The following TDRD3 variants were observed in gnomAD, a reference collection of about 807,000 sequenced individuals.
TDRD3 encodes the protein tudor domain-containing protein 3.
In TDRD3, 45 loss-of-function variants were observed where a neutral mutation model predicts 86.7. That is an observed-to-expected ratio of 0.52 (90% CI 0.41 to 0.67). The LOEUF (loss-of-function observed/expected upper bound fraction) is 0.67, where lower values mean the gene tolerates loss of function less well. Among genes scored for constraint, TDRD3 ranks in the 30% least tolerant of loss-of-function variants. The pLI is 0.00. For missense variants in TDRD3, 814 were observed against 889.0 expected (o/e 0.92, Z 1.07); for synonymous variants, 298 against 301.7 (o/e 0.99, Z 0.13).
In TDRD3 at chr13:60,489,734, T is replaced by TA. The variant is rs964302463; in HGVS notation, c.717+3793dup. Among the ~76,000 whole-genome samples, 15 of 152,188 alleles carry TA rather than the reference T, an allele frequency of 9.9e-5. No individual in the cohort carries two copies. The South Asian group carries it at 2.7e-3, about 27-fold the overall frequency. On this transcript the variant is annotated intron_variant, in intron 7 of 13. Coordinates refer to ENST00000377881, the MANE Select transcript of TDRD3 (RefSeq NM_001146070.2). Reference sequence around the variant, plus strand: ...CTTTTTCCTCTACAAGGCATACTTTTAAAAAAACAGTTTTACCATTTCTTA... The same window carrying TA: ...CTTTTTCCTCTACAAGGCATACTTTTAAAAAAAACAGTTTTACCATTTCTTA...
chr13:60,445,963 A>T (rs1397729773), intron 3 of TDRD3, among the ~76,000 whole-genome samples: 1 of 152,124 alleles, frequency 6.6e-6, no homozygotes, highest in East Asian at 1.9e-4. Flanking sequence ...TTTTACTTTT[A>T]AAAGTTTTGC....
intron 8 of TDRD3, among the ~76,000 whole-genome samples, chr13:60,505,050 T>C (rs1461659572): frequency 6.6e-6 from 1 of 152,144 alleles, no homozygotes; most frequent in East Asian, 1.9e-4. Flanking sequence ...GGAGTTATTT[T>C]TTCATACCCC....
chr13:60,484,686 TACTGAG>T, intron 6 of TDRD3: 2 of 448,274 alleles, frequency 4.5e-6, no homozygotes, highest in Non-Finnish European at 4.5e-6. Context: ...TTTTTTTTTT[TACTGAG>T]TTTGGAAGAA....
chr13:60,564,795 A>T (rs1214540035), intron 12 of TDRD3, among the ~76,000 whole-genome samples: 1 of 152,230 alleles, frequency 6.6e-6, no homozygotes, highest in Non-Finnish European at 1.5e-5. Flanking sequence ...TAGAAGAGGA[A>T]TAAAGTATAA....
intron 3 of TDRD3, among the ~76,000 whole-genome samples, chr13:60,446,309 A>T (rs1449445561): frequency 3.9e-5 from 6 of 152,026 alleles, no homozygotes. Context: ...TGCAACCTCC[A>T]CCACCTGGGT....
At position 60,567,131 on chromosome 13, in the gene TDRD3, A is replaced by C. The variant is rs1185183140; in HGVS notation, c.2119-394A>C. ...TTTTCCATGATAAATACCTAGAAAC[A>C]TTTAGAAGCCCAAATATTCAAGAAA... On this transcript the variant is annotated intron_variant, in intron 12 of 13. Coordinates refer to ENST00000377881, the MANE Select transcript of TDRD3 (RefSeq NM_001146070.2). Among the ~76,000 whole-genome samples, 5 of 152,212 alleles carry C rather than the reference A, an allele frequency of 3.3e-5. No homozygotes were observed. The South Asian group carries it at 1.0e-3, about 32-fold the overall frequency.
intron 12 of TDRD3, among the ~76,000 whole-genome samples, chr13:60,553,553 T>TA (rs201762964): frequency 2.4e-3 from 305 of 124,848 alleles, no homozygotes; most frequent in South Asian, 3.0e-3. Flanking sequence ...TTTTTTTAAA[T>TA]AAAAAAAAAA....
At chr13:60,490,758 G>A (rs1956568751) in intron 7 of TDRD3, among the ~76,000 whole-genome samples, 1 of 152,066 alleles carries the variant, frequency 6.6e-6, no homozygotes, top group South Asian at 2.1e-4. Context: ...GTCAGATTCT[G>A]GAATTTTGAA....
At chr13:60,419,038 T>A (rs1954592287) in intron 1 of TDRD3, among the ~76,000 whole-genome samples, 1 of 152,226 alleles carries the variant, frequency 6.6e-6, no homozygotes, top group Admixed American at 6.5e-5. Context: ...TTTGTGGACA[T>A]ATGTTTTCAT....
intron 1 of TDRD3, among the ~76,000 whole-genome samples, chr13:60,435,106 C>G (rs1248851074): frequency 6.6e-6 from 1 of 152,110 alleles, no homozygotes; most frequent in Non-Finnish European, 1.5e-5. Flanking sequence ...AATTTAGGCT[C>G]AGTCCTTCTG....
chr13:60,546,008 T>G (rs1483776796), intron 12 of TDRD3, among the ~76,000 whole-genome samples: 1 of 152,118 alleles, frequency 6.6e-6, no homozygotes, highest in Non-Finnish European at 1.5e-5. Flanking sequence ...TTATATAGGT[T>G]GCATATTTTC....
chr13:60,490,795 AT>A (rs1048417595), intron 7 of TDRD3, among the ~76,000 whole-genome samples: 6 of 152,100 alleles, frequency 3.9e-5, no homozygotes, highest in Admixed American at 6.6e-5. Context: ...CTGAGATTGG[AT>A]ATAGGGTACA....
chr13:60,483,549 A>G (rs1956362595), intron 5 of TDRD3, among the ~76,000 whole-genome samples: 1 of 152,146 alleles, frequency 6.6e-6, no homozygotes. Context: ...TGAAAGCTTT[A>G]TGTGAATATG....
chr13:60,407,278 A>G (rs1246768049), intron 1 of TDRD3, among the ~76,000 whole-genome samples: 7 of 152,186 alleles, frequency 4.6e-5, no homozygotes, highest in Admixed American at 3.9e-4. Context: ...TGCACAGTAG[A>G]CACTTAAATA....
At chr13:60,402,373 T>G (rs1412888856) in intron 1 of TDRD3, among the ~76,000 whole-genome samples, 1 of 152,216 alleles carries the variant, frequency 6.6e-6, no homozygotes, top group Non-Finnish European at 1.5e-5. Flanking sequence ...CTAGTGGTAA[T>G]AGACATAAAA....
At chr13:60,471,236 G>C (rs1956071378) in intron 5 of TDRD3, among the ~76,000 whole-genome samples, 1 of 152,066 alleles carries the variant, frequency 6.6e-6, no homozygotes, top group African/African-American at 2.4e-5. Flanking sequence ...TTAGTAAAGG[G>C]TCCAAATTCA....
At chr13:60,421,743 C>G (rs1195516877) in intron 1 of TDRD3, among the ~76,000 whole-genome samples, 1 of 152,134 alleles carries the variant, frequency 6.6e-6, no homozygotes, top group Non-Finnish European at 1.5e-5. Context: ...AAGCCAGCCC[C>G]ATGGTTCCAC....
At chr13:60,416,639 G>A (rs943784252) in intron 1 of TDRD3, among the ~76,000 whole-genome samples, 1 of 152,064 alleles carries the variant, frequency 6.6e-6, no homozygotes, top group African/African-American at 2.4e-5. Context: ...CTGTTTCTTT[G>A]GGCTGTCTGC....
intron 12 of TDRD3, chr13:60,536,496 A>G (rs779424754): frequency 3.3e-5 from 5 of 151,900 alleles, no homozygotes; most frequent in African/African-American, 9.7e-5. Flanking sequence ...TATGATGGCT[A>G]TTTTCATTCT....
Sources: allele counts gnomAD v4.1 joint callset (sites outside exome capture counted in the v4.1 genomes callset), GRCh38; gene constraint gnomAD v4.1.1; transcripts MANE v1.5; gene names NCBI Gene and HGNC (gene_info 2026-07-23, HGNC 2026-07-21).